Variants in FANCM observed in about 807,000 individuals in gnomAD.
FANCM encodes the protein Fanconi anemia group M protein.
Under a neutral mutation model 199.5 loss-of-function variants are expected in FANCM, and 140 were observed. The observed-to-expected ratio is 0.70, with a 90% CI of 0.61 to 0.81. The LOEUF is 0.81. Ranked by LOEUF, FANCM falls within the 30% of genes least tolerant of loss-of-function variation. The pLI, the probability that FANCM is intolerant of heterozygous loss-of-function variation, is 0.00. For missense variants in FANCM, 2,410 were observed against 2,421.4 expected (o/e 1.00, Z 0.10); for synonymous variants, 840 against 836.8 (o/e 1.00, Z -0.07).
chr14:45,186,072 T>C (rs1350030368), intron 18 of FANCM, among the ~76,000 whole-genome samples: 1 of 152,110 alleles, frequency 6.6e-6, no homozygotes, highest in African/African-American at 2.4e-5. Flanking sequence ...TTTTTGGCCT[T>C]TTGTAGAGAT....
intron 5 of FANCM, 147 bp from the exon 6 acceptor site, chr14:45,153,773 G>A (rs1259905101): frequency 1.1e-5 from 8 of 718,894 alleles, no homozygotes; most frequent in East Asian, 2.6e-5. Flanking sequence ...ATAACCAATC[G>A]GTTATAGCAG....
chr14:45,145,354 G>GC (rs1260796370), intron 3 of FANCM, among the ~76,000 whole-genome samples: 2 of 152,076 alleles, frequency 1.3e-5, no homozygotes, highest in African/African-American at 2.4e-5. Flanking sequence ...TAGGTCACGT[G>GC]CCCCCCATGT....
Position 45,167,144 on chromosome 14 carries a change from T to C in FANCM, c.1983T>C (p.Ser661=). The C allele has an allele frequency of 6.2e-7, 1 of 1,608,544 alleles. No homozygotes were observed. The highest frequency in any genetic ancestry group is 8.5e-7 in the Non-Finnish European group (1 of 1,174,896). ...CTCGGAACTTGCAGCGAAAGTCATC[T>C]ATCTTTTCCTATAGGGATGGTAAAT... ...KPSRNLQRKS[S]IFSYRDGMRQ... is the part of the protein sequence containing the mutation. Residue 661 remains serine, a synonymous_variant, in exon 11 of 23, where the codon TCT becomes TCC. Coordinates refer to ENST00000267430, the MANE Select transcript of FANCM (RefSeq NM_020937.4).
chr14:45,174,389 A>C (rs1202904212), intron 13 of FANCM, among the ~76,000 whole-genome samples: 1 of 151,960 alleles, frequency 6.6e-6, no homozygotes, highest in Non-Finnish European at 1.5e-5. Context: ...TTTGTCTAAA[A>C]AAAAAAAAAA....
At chr14:45,150,336 TATG>T (rs1886726928) in intron 4 of FANCM, among the ~76,000 whole-genome samples, 1 of 152,232 alleles carries the variant, frequency 6.6e-6, no homozygotes, top group Non-Finnish European at 1.5e-5. Flanking sequence ...ACAATGTAAA[TATG>T]ATAATTCTTA....
chr14:45,184,827 G>A (rs571070394), intron 17 of FANCM, among the ~76,000 whole-genome samples: 3 of 148,768 alleles, frequency 2.0e-5, no homozygotes, highest in East Asian at 4.0e-4. Context: ...AGACTGGAGT[G>A]CAGTGGCACC....
At position 45,194,812 on chromosome 14, in the gene FANCM, C is replaced by CTT. The variant is rs893058010; in HGVS notation, c.5341-1344_5341-1343dup. ...TTGCTAACTTCTCTATAGGTTGTGC[C>CTT]TTTTTTTTTTTTTTTTTGAGGCAGA... On this transcript the variant is annotated intron_variant, in intron 20 of 22. Transcript: ENST00000267430. 9.6e-5 allele frequency among the ~76,000 whole-genome samples: 13 copies of CTT among 135,686 alleles called. No individual in the cohort carries two copies. In the East Asian group the frequency reaches 1.5e-3, roughly 15 times the overall value. 89.0% of individuals were successfully genotyped at this position (135,686 alleles called of 152,430 possible). A position where few individuals can be genotyped will look rare whatever the true frequency, so the allele number is the denominator to read the frequency against.
intron 13 of FANCM, among the ~76,000 whole-genome samples, chr14:45,173,919 G>A (rs1454417002): frequency 6.6e-6 from 1 of 152,146 alleles, no homozygotes; most frequent in Non-Finnish European, 1.5e-5. Flanking sequence ...CCAGCAAAAT[G>A]TGTGCAATCA....
At position 45,140,676 on chromosome 14, in the gene FANCM, GGC is replaced by G. The variant is rs760240437; in HGVS notation, c.727_728del (p.Ala243SerfsTer7). The G allele has an allele frequency of 6.2e-7, 1 of 1,602,308 alleles. No homozygotes were observed. The highest frequency in any genetic ancestry group is 1.3e-5 in the African/African-American group (1 of 74,712). The stretch of plus-strand genomic sequence containing the variant: ...AATATACAAATCACTTTAGAATCTT[GGC>G]TCTAAGTGCCACACCAGGTAGTGAT... The part of the protein sequence containing the change: ...VKYTNHFRIL[A>X]LSATPGSDIK... On this transcript the variant is annotated frameshift_variant, in exon 3 of 23. Transcript: ENST00000267430. LOFTEE classifies it high-confidence loss of function.
In FANCM at chr14:45,188,864, CA is replaced by C; in HGVS notation, c.4845del (p.Gly1616AlafsTer14). ...SFCVDEEESC[K>X]GQSSEEEVCV... ...TTTGTGTTGATGAAGAGGAGTCTTG[CA>C]AAGGCCAATCAAGTGAAGAAGAAGT... is the stretch of plus-strand genomic sequence containing the variant. On this transcript the variant is annotated frameshift_variant, in exon 20 of 23. Coordinates refer to ENST00000267430, the MANE Select transcript of FANCM (RefSeq NM_020937.4). LOFTEE classifies it high-confidence loss of function. The C allele has an allele frequency of 6.2e-7, 1 of 1,613,560 alleles. No individual in the cohort carries two copies. Among genetic ancestry groups the C allele is most frequent in the Non-Finnish European group, 8.5e-7 (1 of 1,179,814 alleles).
At chr14:45,162,026 T>C (rs140844271) in intron 9 of FANCM, among the ~76,000 whole-genome samples, 534 of 152,308 alleles carry the variant, frequency 3.5e-3, no homozygotes, top group South Asian at 5.0e-3. Flanking sequence ...GAAGTCTGAC[T>C]GTAGGATGAC....
At chr14:45,141,489 C>T (rs1165494305) in intron 3 of FANCM, among the ~76,000 whole-genome samples, 3 of 128,508 alleles carry the variant, frequency 2.3e-5, no homozygotes, top group Non-Finnish European at 4.8e-5. Context: ...CTCCCCTCCC[C>T]TTTCTCCTCT....
chr14:45,165,247 G>A (rs1429435476), intron 10 of FANCM, among the ~76,000 whole-genome samples: 1 of 152,148 alleles, frequency 6.6e-6, no homozygotes, highest in East Asian at 1.9e-4. Context: ...GGTCTTAACA[G>A]CCATGATAAT....
intron 21 of FANCM, among the ~76,000 whole-genome samples, chr14:45,196,948 T>C (rs939126671): frequency 3.3e-5 from 5 of 152,186 alleles, no homozygotes; most frequent in African/African-American, 9.7e-5. Flanking sequence ...TAAGTAGTGG[T>C]ACTGTTTATT....
intron 19 of FANCM, 22 bp downstream of exon 19, chr14:45,187,909 T>C: frequency 8.7e-7 from 1 of 1,145,774 alleles, no homozygotes. Context: ...AGAAATATAA[T>C]GGAGAATTTC....
At chr14:45,162,690 A>G (rs1887688669) in intron 9 of FANCM, among the ~76,000 whole-genome samples, 1 of 152,182 alleles carries the variant, frequency 6.6e-6, no homozygotes, top group Non-Finnish European at 1.5e-5. Flanking sequence ...ACAATTGAAT[A>G]TATGTCTTGA....
At chr14:45,197,209 T>C (rs2139322846) in intron 21 of FANCM, among the ~76,000 whole-genome samples, 1 of 152,188 alleles carries the variant, frequency 6.6e-6, no homozygotes, top group East Asian at 1.9e-4. Flanking sequence ...CTCTGTGTGA[T>C]ATTGCATTGA....
intron 4 of FANCM, among the ~76,000 whole-genome samples, chr14:45,149,568 T>C (rs1313786497): frequency 6.6e-6 from 1 of 152,112 alleles, no homozygotes; most frequent in Non-Finnish European, 1.5e-5. Flanking sequence ...AGGTTTCACC[T>C]TGTTGGCCAA....
At chr14:45,166,492 C>G (rs546286047) in intron 10 of FANCM, among the ~76,000 whole-genome samples, 1 of 151,966 alleles carries the variant, frequency 6.6e-6, no homozygotes, top group African/African-American at 2.4e-5. Context: ...TTTTAAAATT[C>G]AAGACAGCTG....
Sources: gnomAD v4.1 joint callset for allele counts (sites outside exome capture counted in the v4.1 genomes callset) on GRCh38, gnomAD v4.1.1 for gene constraint, MANE v1.5 for transcripts, NCBI Gene and HGNC (gene_info 2026-07-23, HGNC 2026-07-21) for gene names.